The following BAZ2B variants were observed in gnomAD, a reference collection of about 807,000 sequenced individuals.
The protein encoded by BAZ2B is bromodomain adjacent to zinc finger domain protein 2B.
Under a neutral mutation model 246.0 loss-of-function variants are expected in BAZ2B, and 91 were observed. The observed-to-expected ratio is 0.37, with a 90% CI of 0.31 to 0.44. The LOEUF (loss-of-function observed/expected upper bound fraction) is 0.44. Among genes scored for constraint, BAZ2B ranks in the 20% least tolerant of loss-of-function variants. The pLI, the probability that BAZ2B is intolerant of heterozygous loss-of-function variation, is 1.00. For missense variants in BAZ2B, 2,332 were observed against 2,533.7 expected, an observed-to-expected ratio of 0.92 and a Z score of 1.71; for synonymous variants, 855 against 860.0, an observed-to-expected ratio of 0.99 and a Z score of 0.10.
chr2:159,335,199 A>G (rs890863916), intron 33 of BAZ2B, among the ~76,000 whole-genome samples: 8 of 152,198 alleles, frequency 5.3e-5, no homozygotes, highest in African/African-American at 1.9e-4. Flanking sequence ...AGGAAAAAAT[A>G]TTTGTACCTG....
chr2:159,674,491 G>A, the BAZ2B span, among the ~76,000 whole-genome samples: 25 of 151,976 alleles, frequency 1.6e-4, no homozygotes, highest in Non-Finnish European at 3.1e-4. Context: ...GAGGTGGGCC[G>A]ATCACTTCAT....
chr2:159,660,597 C>T, the BAZ2B span, among the ~76,000 whole-genome samples: 1 of 152,062 alleles, frequency 6.6e-6, no homozygotes, highest in African/African-American at 2.4e-5. Flanking sequence ...TCCAATTACT[C>T]CACATCCTCA....
chr2:159,531,315 A>G (rs1219503651), intron 2 of BAZ2B, among the ~76,000 whole-genome samples: 1 of 152,130 alleles, frequency 6.6e-6, no homozygotes, highest in Non-Finnish European at 1.5e-5. Flanking sequence ...TGTGATTCTA[A>G]AAAAAATTTT....
the BAZ2B span, among the ~76,000 whole-genome samples, chr2:159,698,515 CAA>C: frequency 7.7e-6 from 1 of 130,504 alleles, no homozygotes. Flanking sequence ...CACCATCCCA[CAA>C]AAAAAAAAAA....
At chr2:159,566,339 A>C (rs900594413) in intron 1 of BAZ2B, among the ~76,000 whole-genome samples, 2 of 152,160 alleles carry the variant, frequency 1.3e-5, no homozygotes, top group African/African-American at 2.4e-5. Context: ...ATGTGACAGC[A>C]ATGTCCTTCT....
intron 2 of BAZ2B, among the ~76,000 whole-genome samples, chr2:159,490,287 T>C (rs1489046757): frequency 6.6e-6 from 1 of 152,136 alleles, no homozygotes. Context: ...CACTTTTCAA[T>C]CCAAGCTTTA....
At chr2:159,316,272 T>G (rs1427195536), downstream of BAZ2B, among the ~76,000 whole-genome samples, 1 of 152,124 alleles carries the variant, frequency 6.6e-6, no homozygotes, top group Non-Finnish European at 1.5e-5. Context: ...TAAAAAAAAT[T>G]CCTTTTTTTG....
At chr2:159,493,212 A>G (rs1275739027) in intron 2 of BAZ2B, among the ~76,000 whole-genome samples, 3 of 152,230 alleles carry the variant, frequency 2.0e-5, no homozygotes, top group African/African-American at 7.2e-5. Flanking sequence ...GCACTGTCCA[A>G]TAGGACAGCC....
intron 2 of BAZ2B, among the ~76,000 whole-genome samples, chr2:159,494,622 A>G (rs2080869576): frequency 6.6e-6 from 1 of 152,198 alleles, no homozygotes; most frequent in Non-Finnish European, 1.5e-5. Context: ...CCAGTCTATG[A>G]CAAAGAAATA....
upstream of BAZ2B, among the ~76,000 whole-genome samples, chr2:159,619,914 T>A (rs532832850): frequency 5.8e-4 from 88 of 152,272 alleles, no homozygotes; most frequent in African/African-American, 2.0e-3. Flanking sequence ...AAGATCATCA[T>A]CTGTATTAGT....
chr2:159,419,063 C>A (rs191533294), intron 13 of BAZ2B, among the ~76,000 whole-genome samples: 279 of 152,252 alleles, frequency 1.8e-3, no homozygotes, highest in African/African-American at 6.0e-3. Context: ...TTAACCATAG[C>A]GTAAGTAAAC....
the BAZ2B span, among the ~76,000 whole-genome samples, chr2:159,648,695 T>C: frequency 6.6e-6 from 1 of 152,240 alleles, no homozygotes; most frequent in Non-Finnish European, 1.5e-5. Context: ...TATACAGATA[T>C]CAGGTTTTAT....
chr2:159,447,835 G>A (rs764610552), intron 5 of BAZ2B, among the ~76,000 whole-genome samples: 1 of 152,152 alleles, frequency 6.6e-6, no homozygotes, highest in Non-Finnish European at 1.5e-5. Flanking sequence ...TATTAAGGCC[G>A]GGTGTGGTGG....
chr2:159,332,203 T>C (rs1446613044), intron 34 of BAZ2B, among the ~76,000 whole-genome samples: 3 of 152,074 alleles, frequency 2.0e-5, no homozygotes, highest in Non-Finnish European at 2.9e-5. Flanking sequence ...AAAAAGTTGT[T>C]TGGAGCCAGG....
chr2:159,451,461 T>C (rs1005163766), intron 4 of BAZ2B, among the ~76,000 whole-genome samples: 20 of 152,134 alleles, frequency 1.3e-4, no homozygotes, highest in Non-Finnish European at 1.2e-4. Flanking sequence ...TTATAGAAAA[T>C]TTATATTTAA....
At chr2:159,514,666 C>CT (rs1382210429) in intron 2 of BAZ2B, among the ~76,000 whole-genome samples, 1 of 152,072 alleles carries the variant, frequency 6.6e-6, no homozygotes, top group Non-Finnish European at 1.5e-5. Context: ...TATTTACTGG[C>CT]TAAGGACCTT....
chr2:159,515,710 G>A (rs2083371592), intron 2 of BAZ2B, among the ~76,000 whole-genome samples: 1 of 152,016 alleles, frequency 6.6e-6, no homozygotes, highest in African/African-American at 2.4e-5. Flanking sequence ...TGGAGTGACG[G>A]CCAGATTTAG....
rs1211675839 is a variant in BAZ2B, at chr2:159,332,678, T to C, written c.5805A>G (p.Gln1935=). Residue 1935 remains glutamine, a synonymous_variant, in exon 34 of 37, where the codon CAA becomes CAG. Transcript: ENST00000392783. ...WEKSIMKVYC[Q]ICRKGDNEEL... is the part of the protein sequence containing the mutation. ...CTTCATTATCTCCCTTTCGACAGAT[T>C]TGGCAGTACTATAATACATGAAAAA... The C allele has an allele frequency of 1.2e-6, 2 of 1,613,844 alleles. No individual in the cohort carries two copies. Among genetic ancestry groups the C allele is most frequent in the African/African-American group, 1.3e-5 (1 of 75,026 alleles).
At chr2:159,419,864 G>A (rs2068433310) in intron 13 of BAZ2B, 1 of 152,182 alleles carries the variant, frequency 6.6e-6, no homozygotes, top group Non-Finnish European at 1.5e-5. Context: ...CGTGCCCACG[G>A]CTATGTTGCA....
Sources: gnomAD v4.1 joint callset for allele counts (sites outside exome capture counted in the v4.1 genomes callset) on GRCh38, gnomAD v4.1.1 for gene constraint, MANE v1.5 for transcripts, NCBI Gene and HGNC (gene_info 2026-07-23, HGNC 2026-07-21) for gene names.